Variants in SLC4A10 observed in about 807,000 individuals in gnomAD.
SLC4A10 encodes solute carrier family 4 member 10.
SLC4A10 carries 42 observed loss-of-function variants against 137.7 expected under a neutral mutation model. That is an observed-to-expected ratio of 0.30 (90% CI 0.24 to 0.39). The LOEUF (loss-of-function observed/expected upper bound fraction) is 0.39, where lower values mean the gene tolerates loss of function less well. SLC4A10 is among the 10% of genes least tolerant of loss of function. SLC4A10 has a pLI of 1.00. For synonymous variants in SLC4A10, 474 were observed against 464.1 expected (o/e 1.02, Z -0.27); for missense variants, 925 against 1,355.0 (o/e 0.68, Z 4.98).
At chr2:161,793,118 C>G (rs1364960952) in intron 2 of SLC4A10, among the ~76,000 whole-genome samples, 1 of 151,896 alleles carries the variant, frequency 6.6e-6, no homozygotes, top group Non-Finnish European at 1.5e-5. Flanking sequence ...TTCAAGTAAA[C>G]TTTTTTGCTT....
At chr2:161,835,766 T>C (rs1559356949) in intron 3 of SLC4A10, among the ~76,000 whole-genome samples, 2 of 152,326 alleles carry the variant, frequency 1.3e-5, no homozygotes, top group Admixed American at 1.3e-4. Flanking sequence ...TGCTTATATA[T>C]CCTGCTGTAC....
intron 26 of SLC4A10, among the ~76,000 whole-genome samples, chr2:161,978,933 A>G (rs1473243002): frequency 6.6e-6 from 1 of 152,228 alleles, no homozygotes. Context: ...ACAGTCTGAT[A>G]AATATTTCTC....
chr2:161,862,027 A>C (rs2060463134), intron 5 of SLC4A10, among the ~76,000 whole-genome samples: 1 of 152,208 alleles, frequency 6.6e-6, no homozygotes, highest in Non-Finnish European at 1.5e-5. Flanking sequence ...AATGTTTGAT[A>C]ATCAGAAAGC....
At chr2:161,828,767 CATATAT>C (rs58808663) in intron 3 of SLC4A10, among the ~76,000 whole-genome samples, 2,116 of 41,910 alleles carry the variant, frequency 0.05, 73 homozygotes, top group African/African-American at 0.11. Flanking sequence ...AATTCTAATT[CATATAT>C]ATATATATAT....
At chr2:161,979,505 C>T (rs1428111077) in intron 26 of SLC4A10, among the ~76,000 whole-genome samples, 3 of 152,110 alleles carry the variant, frequency 2.0e-5, no homozygotes, top group East Asian at 1.9e-4. Flanking sequence ...TTGATGTGAT[C>T]GCATTTGTGG....
intron 15 of SLC4A10, among the ~76,000 whole-genome samples, chr2:161,918,616 G>A (rs56399725): frequency 0.067 from 10,211 of 152,194 alleles, 449 homozygotes; most frequent in East Asian, 0.13. Flanking sequence ...CACCACTTAT[G>A]GGTATGTGAC....
chr2:161,861,329 A>G (rs748671887), intron 5 of SLC4A10, among the ~76,000 whole-genome samples: 23 of 152,156 alleles, frequency 1.5e-4, no homozygotes, highest in Non-Finnish European at 2.6e-4. Flanking sequence ...AAAAAACAAT[A>G]TATTTCTCAC....
At chr2:161,663,004 C>A (rs867755306) in intron 1 of SLC4A10, among the ~76,000 whole-genome samples, 2 of 152,160 alleles carry the variant, frequency 1.3e-5, no homozygotes, top group African/African-American at 2.4e-5. Context: ...TGTCCACCCC[C>A]CTTCCCCCAA....
intron 1 of SLC4A10, among the ~76,000 whole-genome samples, chr2:161,625,693 C>A (rs1232401060): frequency 6.6e-6 from 1 of 152,034 alleles, no homozygotes; most frequent in African/African-American, 2.4e-5. Flanking sequence ...CCTTACCTCT[C>A]CTGCCGGGCT....
intron 1 of SLC4A10, among the ~76,000 whole-genome samples, chr2:161,725,480 A>G (rs2046115884): frequency 6.6e-6 from 1 of 152,242 alleles, no homozygotes; most frequent in Admixed American, 6.5e-5. Flanking sequence ...CAGCTAAGGA[A>G]CTAACAGTTT....
rs1016317752 is a variant in SLC4A10 at position 161,887,981 on chromosome 2, A to G, written c.1194+5537A>G. On this transcript the variant is annotated intron_variant, in intron 10 of 26. Transcript: ENST00000446997. Reference sequence around the variant, plus strand: ...TAATCCATCTTGAATTAATTTTTGTATAAGGTGTAAGGAAGGGGTCCAGTT... The same window carrying G: ...TAATCCATCTTGAATTAATTTTTGTGTAAGGTGTAAGGAAGGGGTCCAGTT... 7.2e-5 allele frequency among the ~76,000 whole-genome samples: 11 copies of G among 152,250 alleles called. 1 individual carries two copies. The highest frequency in any genetic ancestry group is 4.6e-4 in the Admixed American group (7 of 15,268).
In SLC4A10 at chr2:161,904,148, A is replaced by G. The variant is rs762981747; in HGVS notation, c.1587A>G (p.Gly529=). 1 of 1,612,062 alleles carries G rather than the reference A, an allele frequency of 6.2e-7. No individual in the cohort carries two copies. The highest frequency in any genetic ancestry group is 1.3e-5 in the African/African-American group (1 of 75,014). ...TGTCTCCTGTCATCACGTTTGGAGG[A>G]CTGCTGGGAGAAGCAACTGAAGGGC... ...ACMSPVITFG[G]LLGEATEGRI... Residue 529 remains glycine, a synonymous_variant, in exon 13 of 27, where the codon GGA becomes GGG. Coordinates refer to ENST00000446997, the MANE Select transcript of SLC4A10 (RefSeq NM_001178015.2).
chr2:161,654,272 G>A (rs2037208252), intron 1 of SLC4A10, among the ~76,000 whole-genome samples: 1 of 152,214 alleles, frequency 6.6e-6, no homozygotes, highest in East Asian at 1.9e-4. Context: ...ATATATTTTG[G>A]AAATTAAACC....
chr2:161,922,680 G>A (rs930524195), intron 15 of SLC4A10, among the ~76,000 whole-genome samples: 2 of 152,080 alleles, frequency 1.3e-5, no homozygotes, highest in Non-Finnish European at 2.9e-5. Flanking sequence ...AGCAATTATG[G>A]TAGAAAGACT....
chr2:161,760,234 A>AT (rs1217132614), intron 1 of SLC4A10, among the ~76,000 whole-genome samples: 5 of 151,630 alleles, frequency 3.3e-5, no homozygotes, highest in South Asian at 2.1e-4. Flanking sequence ...TTTCTTTTGA[A>AT]TTTTTTATAT....
chr2:161,958,351 A>G, intron 20 of SLC4A10, 136 bp from the exon 21 acceptor site: 1 of 656,038 alleles, frequency 1.5e-6, no homozygotes. Context: ...TGGAACTTGA[A>G]TCCTTGTCTT....
intron 1 of SLC4A10, among the ~76,000 whole-genome samples, chr2:161,725,723 C>T (rs529109592): frequency 2.0e-5 from 3 of 152,150 alleles, no homozygotes; most frequent in Non-Finnish European, 4.4e-5. Flanking sequence ...GGATTTATAA[C>T]CTTTGAAATC....
intron 3 of SLC4A10, among the ~76,000 whole-genome samples, chr2:161,826,490 T>G (rs149729761): frequency 6.6e-6 from 1 of 152,272 alleles, no homozygotes; most frequent in East Asian, 1.9e-4. Flanking sequence ...ATTTGTAAAA[T>G]ATTGTCCAGA....
intron 1 of SLC4A10, among the ~76,000 whole-genome samples, chr2:161,696,898 TTG>T (rs1382968554): frequency 2.6e-5 from 4 of 152,236 alleles, no homozygotes; most frequent in Admixed American, 2.6e-4. Context: ...TCCACAATGG[TTG>T]AACTAGTTTA....
Sources: allele counts gnomAD v4.1 joint callset (sites outside exome capture counted in the v4.1 genomes callset), GRCh38; gene constraint gnomAD v4.1.1; transcripts MANE v1.5; gene names NCBI Gene and HGNC (gene_info 2026-07-23, HGNC 2026-07-21).